CEP112: variants seen among roughly 807,000 people sequenced by gnomAD.
CEP112 encodes the protein centrosomal protein 112, also known as centrosomal protein of 112 kDa.
A neutral mutation model predicts 153.0 loss-of-function variants in CEP112; 127 were observed. The ratio of observed to expected loss-of-function variants is 0.83; its 90% CI spans 0.72 to 0.96. The LOEUF is 0.96. Ranked by LOEUF, CEP112 falls within the 40% of genes least tolerant of loss-of-function variation. CEP112 has a pLI of 0.00. For missense variants in CEP112, 1,089 were observed against 1,101.2 expected (o/e 0.99, Z 0.16); for synonymous variants, 358 against 374.4 (o/e 0.96, Z 0.51).
At chr17:66,088,624 C>T (rs2068027538) in intron 8 of CEP112, among the ~76,000 whole-genome samples, 2 of 152,142 alleles carry the variant, frequency 1.3e-5, no homozygotes, top group Admixed American at 1.3e-4. Context: ...CCAGTCAACA[C>T]CTCTGGCCCA....
intron 20 of CEP112, among the ~76,000 whole-genome samples, chr17:65,901,150 C>A (rs1389845183): frequency 6.6e-6 from 1 of 152,092 alleles, no homozygotes; most frequent in Non-Finnish European, 1.5e-5. Flanking sequence ...TGTTGAAAGA[C>A]ATAATATAAC....
chr17:65,916,287 G>GTGTGTATATGTA (rs2060484302), intron 19 of CEP112, among the ~76,000 whole-genome samples: 1 of 147,494 alleles, frequency 6.8e-6, no homozygotes, highest in Non-Finnish European at 1.5e-5. Context: ...GTGTGTGTGT[G>GTGTGTATATGTA]TGTGTATGTG....
At chr17:65,684,539 A>G (rs1284429911) in intron 24 of CEP112, among the ~76,000 whole-genome samples, 1 of 152,144 alleles carries the variant, frequency 6.6e-6, no homozygotes, top group Non-Finnish European at 1.5e-5. Flanking sequence ...CTTTTAGACT[A>G]TTTATTTTCT....
In CEP112 at chr17:66,138,705, C is replaced by T. The variant is rs950099769; in HGVS notation, c.471-5942G>A. Among the ~76,000 whole-genome samples the T allele has an allele frequency of 2.0e-5, 3 of 151,270 alleles. No homozygotes were observed. The East Asian group carries it at 5.8e-4, about 29-fold the overall frequency. On this transcript the variant is annotated intron_variant, in intron 4 of 26. Transcript: ENST00000535342. ...CTTTAAATATAGTAAGTACACAAAA[C>T]ATAAAAAAAAAGAATCAAAGCAAAC...
rs529396812 is a variant in CEP112 at position 65,971,658 on chromosome 17, A to G, written c.1737-10060T>C. 1.6e-4 allele frequency among the ~76,000 whole-genome samples: 20 copies of G among 122,378 alleles called. No individual in the cohort carries two copies. In the South Asian group the frequency reaches 6.0e-3, roughly 37 times the overall value. 80.3% of individuals were successfully genotyped at this position (122,378 alleles called of 152,430 possible). ...TTGCGTTATATTGCATGCATGTCAC[A>G]TGCATGTATGTTACATGCATATTAC... On this transcript the variant is annotated intron_variant, in intron 17 of 26. Coordinates refer to ENST00000535342, the MANE Select transcript of CEP112 (RefSeq NM_001199165.4).
At chr17:65,713,114 T>C (rs2049293351) in intron 23 of CEP112, among the ~76,000 whole-genome samples, 1 of 152,206 alleles carries the variant, frequency 6.6e-6, no homozygotes. Flanking sequence ...TGCTGTGCTT[T>C]ACAGAAAGGT....
intron 17 of CEP112, among the ~76,000 whole-genome samples, chr17:65,971,361 G>A (rs556574764): frequency 1.4e-4 from 20 of 143,414 alleles, no homozygotes; most frequent in South Asian, 9.3e-4. Context: ...AGGAACACAT[G>A]TATATCGCAT....
intron 4 of CEP112, among the ~76,000 whole-genome samples, chr17:66,152,463 GA>G (rs1213030519): frequency 6.6e-6 from 1 of 152,170 alleles, no homozygotes; most frequent in Non-Finnish European, 1.5e-5. Context: ...GAAAGTTAAA[GA>G]AAATGGAACT....
chr17:65,645,931 G>A (rs539905956), intron 24 of CEP112, among the ~76,000 whole-genome samples: 5 of 152,286 alleles, frequency 3.3e-5, no homozygotes, highest in East Asian at 3.9e-4. Context: ...TGGTTTTGTC[G>A]TCTTCATTAC....
intron 8 of CEP112, among the ~76,000 whole-genome samples, chr17:66,073,506 C>A (rs1263541578): frequency 6.6e-6 from 1 of 152,192 alleles, no homozygotes; most frequent in African/African-American, 2.4e-5. Flanking sequence ...ATTACTGCTA[C>A]AAAGTAGAAA....
At chr17:65,837,656 A>G (rs1029838707) in intron 21 of CEP112, among the ~76,000 whole-genome samples, 6 of 152,234 alleles carry the variant, frequency 3.9e-5, no homozygotes, top group African/African-American at 1.2e-4. Flanking sequence ...AAAGGGGGAA[A>G]TGTGGGGAAA....
chr17:66,064,073 C>A (rs890634799), intron 10 of CEP112, among the ~76,000 whole-genome samples: 12 of 152,186 alleles, frequency 7.9e-5, no homozygotes, highest in Non-Finnish European at 1.8e-4. Flanking sequence ...AGAAATTCCT[C>A]TTTATTCCCA....
At chr17:65,697,918 T>C (rs2048434751) in intron 23 of CEP112, among the ~76,000 whole-genome samples, 2 of 152,318 alleles carry the variant, frequency 1.3e-5, no homozygotes, top group South Asian at 4.1e-4. Flanking sequence ...CAGCTACTAC[T>C]GCAGAGGCCA....
intron 1 of CEP112, among the ~76,000 whole-genome samples, chr17:66,186,063 T>G (rs1227361115): frequency 6.6e-6 from 1 of 151,716 alleles, no homozygotes; most frequent in Non-Finnish European, 1.5e-5. Flanking sequence ...CGCTCTCTCA[T>G]GCATCCTCTG....
At chr17:65,954,557 C>T (rs1364745444) in intron 18 of CEP112, among the ~76,000 whole-genome samples, 4 of 151,792 alleles carry the variant, frequency 2.6e-5, no homozygotes, top group Admixed American at 1.3e-4. Flanking sequence ...AATTATTAAG[C>T]GAATCAAGGA....
intron 12 of CEP112, among the ~76,000 whole-genome samples, chr17:66,034,965 A>C (rs1197197346): frequency 3.2e-5 from 1 of 31,568 alleles, no homozygotes; most frequent in African/African-American, 7.1e-5. Flanking sequence ...TGCCCAGCTA[A>C]GTTTTTGCAT....
At chr17:65,649,614 G>C (rs2045628846) in intron 24 of CEP112, among the ~76,000 whole-genome samples, 1 of 151,550 alleles carries the variant, frequency 6.6e-6, no homozygotes, top group Non-Finnish European at 1.5e-5. Context: ...AGCTACTTGA[G>C]AGTCTGAGGT....
chr17:65,908,207 G>A (rs2060152151), intron 19 of CEP112, among the ~76,000 whole-genome samples: 1 of 152,144 alleles, frequency 6.6e-6, no homozygotes, highest in African/African-American at 2.4e-5. Flanking sequence ...CTGGGTATGT[G>A]CCCACCCTAA....
intron 6 of CEP112, among the ~76,000 whole-genome samples, chr17:66,122,370 T>A (rs1385255171): frequency 6.6e-6 from 1 of 152,190 alleles, no homozygotes; most frequent in African/African-American, 2.4e-5. Context: ...CTTATAATTT[T>A]TTTTCTTGAA....
Sources: gnomAD v4.1 joint callset for allele counts (sites outside exome capture counted in the v4.1 genomes callset) on GRCh38, gnomAD v4.1.1 for gene constraint, MANE v1.5 for transcripts, NCBI Gene and HGNC (gene_info 2026-07-23, HGNC 2026-07-21) for gene names.